FAM90A12: variants seen among roughly 807,000 people sequenced by gnomAD.
The protein encoded by FAM90A12 is family with sequence similarity 90 member A12, also known as protein FAM90A12.
the FAM90A12 span, chr8:8,028,538 G>C: frequency 9.8e-7 from 1 of 1,022,306 alleles, no homozygotes; most frequent in Non-Finnish European, 1.4e-6. Flanking sequence ...CGATCAGCGA[G>C]GATAGGGTCC....
At chr8:8,028,919 G>T in the FAM90A12 span, among the ~76,000 whole-genome samples, 1 of 97,236 alleles carries the variant, frequency 1.0e-5, no homozygotes, top group South Asian at 4.8e-4. Context: ...AAGGCAGGTT[G>T]CTGGCTCAAG....
At chr8:8,028,278 G>T in the FAM90A12 span, 22 of 1,141,150 alleles carry the variant, frequency 1.9e-5, 4 homozygotes, top group African/African-American at 1.0e-4. Context: ...TGGCGGCCTG[G>T]GGCAGTCCGT....
At chr8:8,028,557 C>A in the FAM90A12 span, 75 of 898,574 alleles carry the variant, frequency 8.3e-5, 27 homozygotes, top group Middle Eastern at 8.1e-4. Flanking sequence ...CCAAGCGCGG[C>A]CTCTTACTGC....
At chr8:8,028,980 T>C in the FAM90A12 span, among the ~76,000 whole-genome samples, 1 of 101,904 alleles carries the variant, frequency 9.8e-6, no homozygotes, top group African/African-American at 3.3e-5. Context: ...GGTTTCGCCT[T>C]CTCCACGTTT....
At chr8:8,028,928 AG>A in the FAM90A12 span, among the ~76,000 whole-genome samples, 1 of 98,480 alleles carries the variant, frequency 1.0e-5, no homozygotes, top group Non-Finnish European at 2.1e-5. Context: ...TGCTGGCTCA[AG>A]GGTACTCGGG....
At chr8:8,028,260 C>A in the FAM90A12 span, 1 of 1,095,552 alleles carries the variant, frequency 9.1e-7, no homozygotes, top group South Asian at 1.7e-5. Flanking sequence ...TGTCTTGTGC[C>A]TGGGGTCTGG....
chr8:8,028,835 C>T, the FAM90A12 span, among the ~76,000 whole-genome samples: 5 of 72,208 alleles, frequency 6.9e-5, no homozygotes, highest in Non-Finnish European at 1.2e-4. Flanking sequence ...CAAAAGATCG[C>T]GTCTTGGGCA....
At chr8:8,028,295 T>A in the FAM90A12 span, 1 of 1,150,822 alleles carries the variant, frequency 8.7e-7, no homozygotes, top group Non-Finnish European at 1.2e-6. Context: ...CCGTGGGTTT[T>A]GGAGGCAGCC....
the FAM90A12 span, chr8:8,028,312 A>T: frequency 3.6e-5 from 40 of 1,126,104 alleles, 8 homozygotes; most frequent in Admixed American, 2.6e-5. Context: ...AGCCTGGGGA[A>T]CTTCTCGGCA....
the FAM90A12 span, chr8:8,028,175 A>G: frequency 1.0e-6 from 1 of 957,092 alleles, no homozygotes; most frequent in African/African-American, 1.9e-5. Context: ...CCTGGCCCGA[A>G]GCTGAGATTG....
At chr8:8,028,312 A>G in the FAM90A12 span, 2 of 1,126,210 alleles carry the variant, frequency 1.8e-6, 1 homozygote, top group East Asian at 9.8e-5. Context: ...AGCCTGGGGA[A>G]CTTCTCGGCA....
the FAM90A12 span, chr8:8,028,338 G>C: frequency 1.8e-3 from 1,881 of 1,028,984 alleles, 175 homozygotes; most frequent in South Asian, 0.016. Flanking sequence ...CCTCGGGGCG[G>C]CTGTGTGTCG....
At chr8:8,028,790 G>C in the FAM90A12 span, among the ~76,000 whole-genome samples, 4 of 54,332 alleles carry the variant, frequency 7.4e-5, no homozygotes, top group Admixed American at 2.9e-4. Context: ...ATGCGCTCTC[G>C]AGCTATGTGT....
chr8:8,028,618 A>C, the FAM90A12 span: 58 of 745,190 alleles, frequency 7.8e-5, 8 homozygotes, highest in Middle Eastern at 1.8e-3. Flanking sequence ...AGGAAACAAC[A>C]CAGGTTAGAA....
chr8:8,028,521 A>C, the FAM90A12 span: 1 of 1,132,472 alleles, frequency 8.8e-7, no homozygotes, highest in African/African-American at 1.6e-5. Context: ...ACATTGCGGT[A>C]GCTGAGCGAT....
At chr8:8,028,905 TC>T in the FAM90A12 span, among the ~76,000 whole-genome samples, 1 of 94,498 alleles carries the variant, frequency 1.1e-5, no homozygotes, top group South Asian at 5.1e-4. Flanking sequence ...CTAATGCCCT[TC>T]CCAAGGCAGG....
the FAM90A12 span, chr8:8,028,502 C>T: frequency 7.0e-6 from 8 of 1,148,216 alleles, no homozygotes; most frequent in South Asian, 1.3e-5. Flanking sequence ...AAGACGGAGC[C>T]CCTGCCAGAC....
At chr8:8,028,924 C>G in the FAM90A12 span, among the ~76,000 whole-genome samples, 1 of 97,886 alleles carries the variant, frequency 1.0e-5, no homozygotes, top group Non-Finnish European at 2.2e-5. Flanking sequence ...AGGTTGCTGG[C>G]TCAAGGGTAC....
At chr8:8,028,193 G>C in the FAM90A12 span, 3 of 982,928 alleles carry the variant, frequency 3.1e-6, no homozygotes, top group African/African-American at 3.8e-5. Context: ...TTGGAGCCTA[G>C]GCCCAAGCTG....
Sources: allele counts gnomAD v4.1 joint callset (sites outside exome capture counted in the v4.1 genomes callset), GRCh38; gene constraint gnomAD v4.1.1; transcripts MANE v1.5; gene names NCBI Gene and HGNC (gene_info 2026-07-23, HGNC 2026-07-21).